The following GALNT12 variants were observed in gnomAD, a reference collection of about 807,000 sequenced individuals.
GALNT12 encodes polypeptide N-acetylgalactosaminyltransferase 12, also known as UDP-GalNAc:polypeptide N-acetylgalactosaminyltransferase 12.
A neutral mutation model predicts 55.5 loss-of-function variants in GALNT12; 45 were observed. That is an observed-to-expected ratio of 0.81 (90% CI 0.64 to 1.04). The LOEUF is 1.04. Ranked by LOEUF, GALNT12 falls within the 50% of genes least tolerant of loss-of-function variation. The pLI, the probability that GALNT12 is intolerant of heterozygous loss-of-function variation, is 0.00. For missense variants in GALNT12, 709 were observed against 754.8 expected, an observed-to-expected ratio of 0.94 and a Z score of 0.71; for synonymous variants, 304 against 312.2, an observed-to-expected ratio of 0.97 and a Z score of 0.28.
At chr9:98,825,192 GA>G (rs1056028011) in intron 2 of GALNT12, among the ~76,000 whole-genome samples, 7 of 152,108 alleles carry the variant, frequency 4.6e-5, no homozygotes, top group African/African-American at 1.7e-4. Flanking sequence ...GTTGCAAAAT[GA>G]AAAAAACAGC....
At chr9:98,828,877 T>C (rs1372448060) in intron 3 of GALNT12, among the ~76,000 whole-genome samples, 1 of 152,162 alleles carries the variant, frequency 6.6e-6, no homozygotes, top group Non-Finnish European at 1.5e-5. Context: ...TCACCCAGGC[T>C]GGAGGGCAGT....
intron 1 of GALNT12, among the ~76,000 whole-genome samples, chr9:98,816,651 CTT>C (rs374259532): frequency 3.6e-4 from 50 of 138,530 alleles, no homozygotes; most frequent in South Asian, 2.0e-3. Context: ...AAGCAATTAA[CTT>C]TTTTTTTTTT....
At chr9:98,831,984 G>GC (rs1564256137) in intron 4 of GALNT12, 27 bp downstream of exon 4, 4 of 1,597,302 alleles carry the variant, frequency 2.5e-6, no homozygotes. Flanking sequence ...TGGGTGACTT[G>GC]TTTTTTAAGC....
At chr9:98,835,462 A>G in intron 5 of GALNT12, 96 bp downstream of exon 5, 1 of 814,598 alleles carries the variant, frequency 1.2e-6, no homozygotes, top group Non-Finnish European at 2.2e-6. Flanking sequence ...ACCCTGAAAG[A>G]TGATGACACG....
At chr9:98,844,571 C>T (rs751884112) in intron 8 of GALNT12, 2 of 283,080 alleles carry the variant, frequency 7.1e-6, no homozygotes, top group Non-Finnish European at 1.4e-5. Context: ...TAACTGGTTC[C>T]CTGCCTCCCT....
intron 3 of GALNT12, among the ~76,000 whole-genome samples, chr9:98,828,747 A>T (rs1237153339): frequency 6.6e-6 from 1 of 152,216 alleles, no homozygotes; most frequent in Non-Finnish European, 1.5e-5. Flanking sequence ...CAGGCATGCA[A>T]TGCATAATAA....
At chr9:98,841,240 A>G (rs540815462) in intron 7 of GALNT12, among the ~76,000 whole-genome samples, 1 of 152,206 alleles carries the variant, frequency 6.6e-6, no homozygotes, top group African/African-American at 2.4e-5. Flanking sequence ...GGTGTCTTCA[A>G]GTTGTGCCTC....
rs770554889 is a variant in GALNT12, at chr9:98,845,985, G to A, written c.1467G>A (p.Glu489=). The change falls in exon 9 of 10, where the codon GAG becomes GAA. Residue 489 remains glutamate (E), a synonymous_variant. Transcript: ENST00000375011. ...CHGMGQNQFF[E]YTSQKEIRYN... The stretch of plus-strand genomic sequence containing the variant: ...GGCTGCCCCATTTTTAGTTTTTCGA[G>A]TACACGTCCCAGAAAGAAATACGCT... 3.1e-6 allele frequency: 5 copies of A among 1,614,132 alleles called. No individual in the cohort carries two copies. The highest frequency in any genetic ancestry group is 4.2e-6 in the Non-Finnish European group (5 of 1,180,020).
chr9:98,813,027 G>C (rs1835526728), intron 1 of GALNT12, among the ~76,000 whole-genome samples: 1 of 152,130 alleles, frequency 6.6e-6, no homozygotes, highest in African/African-American at 2.4e-5. Context: ...GTATTTATTT[G>C]TTCAGATTTA....
intron 1 of GALNT12, among the ~76,000 whole-genome samples, chr9:98,817,416 A>G (rs766537619): frequency 6.6e-6 from 1 of 152,144 alleles, no homozygotes; most frequent in Admixed American, 6.6e-5. Flanking sequence ...TCCATTTGCT[A>G]TAACATGTAT....
At chr9:98,838,216 C>T (rs1322538) in intron 6 of GALNT12, among the ~76,000 whole-genome samples, 39,667 of 152,130 alleles carry the variant, frequency 0.26, 5,454 homozygotes, top group East Asian at 0.34. Context: ...GCTTCCATTT[C>T]CAGATGGAAG....
At chr9:98,818,609 T>C (rs2118325087) in intron 1 of GALNT12, among the ~76,000 whole-genome samples, 1 of 152,168 alleles carries the variant, frequency 6.6e-6, no homozygotes. Context: ...AATCAGGCCA[T>C]TGCTGTGCCT....
rs550794198 is a variant in GALNT12, at chr9:98,828,314, C to G, written c.731+1373C>G. 1.8e-4 allele frequency among the ~76,000 whole-genome samples: 27 copies of G among 152,344 alleles called. 1 individual carries two copies. The South Asian group carries it at 5.6e-3, about 32-fold the overall frequency. On this transcript the variant is annotated intron_variant, in intron 3 of 9. Transcript: ENST00000375011. ...GGTTCTATAGCTGTCTCTTTCTCCT[C>G]CTCAGCTCTGATGAGCTTTCCTAGC... is the stretch of plus-strand genomic sequence containing the variant.
chr9:98,822,535 G>C (rs1422548705), intron 1 of GALNT12, among the ~76,000 whole-genome samples: 4 of 152,204 alleles, frequency 2.6e-5, no homozygotes, highest in Non-Finnish European at 5.9e-5. Context: ...CCACATCTTG[G>C]GGGGCAGGTG....
intron 1 of GALNT12, among the ~76,000 whole-genome samples, chr9:98,810,947 G>A (rs1161551694): frequency 6.6e-6 from 1 of 152,192 alleles, no homozygotes; most frequent in Non-Finnish European, 1.5e-5. Flanking sequence ...AGTATGACTA[G>A]CATCTCAGCA....
In GALNT12 at chr9:98,837,009, G is replaced by A. The variant is rs143652350; in HGVS notation, c.1073G>A (p.Cys358Tyr). Reference protein sequence around the residue: ...QCGGVLETHPCSHVGHVFPKQ... With the variant: ...QCGGVLETHPYSHVGHVFPKQ... ...GGTGGGGTTCTGGAAACACACCCAT[G>A]TTCCCATGTTGGCCATGTTTTCCCC... The change falls in exon 6 of 10, where the codon TGT becomes TAT. Residue 358 changes from cysteine (C) to tyrosine (Y), a missense_variant. Cys to Tyr is a radical substitution (Grantham distance 194). Transcript: ENST00000375011. 3.7e-5 allele frequency: 60 copies of A among 1,614,044 alleles called. No individual in the cohort carries two copies. The highest frequency in any genetic ancestry group is 4.7e-5 in the Non-Finnish European group (55 of 1,180,042).
At chr9:98,821,364 G>T (rs1266494433) in intron 1 of GALNT12, among the ~76,000 whole-genome samples, 1 of 151,912 alleles carries the variant, frequency 6.6e-6, no homozygotes, top group Non-Finnish European at 1.5e-5. Flanking sequence ...GCTCACACCT[G>T]TAATCCCAGC....
intron 1 of GALNT12, among the ~76,000 whole-genome samples, chr9:98,817,605 A>G (rs1208835607): frequency 6.6e-6 from 1 of 152,026 alleles, no homozygotes; most frequent in Non-Finnish European, 1.5e-5. Context: ...CTGGGACTAC[A>G]GGTGCCCACC....
intron 5 of GALNT12, among the ~76,000 whole-genome samples, chr9:98,836,324 G>A (rs1379873952): frequency 1.3e-5 from 2 of 152,110 alleles, no homozygotes; most frequent in East Asian, 1.9e-4. Flanking sequence ...TATTTTATAT[G>A]GTGTTCTGCC....
Sources: allele counts gnomAD v4.1 joint callset (sites outside exome capture counted in the v4.1 genomes callset), GRCh38; gene constraint gnomAD v4.1.1; transcripts MANE v1.5; gene names NCBI Gene and HGNC (gene_info 2026-07-23, HGNC 2026-07-21).